BRD2: variants seen among roughly 807,000 people sequenced by gnomAD.
The protein encoded by BRD2 is bromodomain containing 2.
In BRD2, 15 loss-of-function variants were observed where a neutral mutation model predicts 79.1. The ratio of observed to expected loss-of-function variants is 0.19; its 90% CI spans 0.13 to 0.29. BRD2 has a LOEUF of 0.29. BRD2 is among the 10% of genes least tolerant of loss of function. BRD2 has a pLI of 1.00. For missense variants in BRD2, 1,053 were observed against 991.3 expected (o/e 1.06, Z -0.84); for synonymous variants, 488 against 358.6 (o/e 1.36, Z -4.08).
intron 9 of BRD2, 32 bp from the exon 10 acceptor site, chr6:32,978,094 A>G (rs1582918887): frequency 6.3e-7 from 1 of 1,587,280 alleles, no homozygotes; most frequent in Non-Finnish European, 8.6e-7. Flanking sequence ...ATCTTTATTT[A>G]CTTTTTCCAC....
chr6:32,975,154 T>G, intron 3 of BRD2: 2 of 1,481,838 alleles, frequency 1.3e-6, no homozygotes, highest in Non-Finnish European at 1.8e-6. Context: ...GGGTGGGAGG[T>G]GGGTGGTTAG....
In BRD2 at chr6:32,974,226, C is replaced by T. The variant is rs116594802; in HGVS notation, c.30-236C>T. Among the ~76,000 whole-genome samples, 1,135 of 152,188 alleles carry T rather than the reference C, an allele frequency of 7.5e-3. 13 individuals carry two copies. The highest frequency in any genetic ancestry group is 0.019 in the African/African-American group (777 of 41,490). ...AAATATGAAAAAGAACAGATAGAGC[C>T]TATCAGACTTAAGAAGGTGGGATCT... On this transcript the variant is annotated intron_variant, in intron 2 of 12. Transcript: ENST00000374825.
chr6:32,975,309 TGA>T lies in BRD2; in HGVS notation c.334-71_334-70del, dbSNP rs70996746. ...GGGTGTGTGTGTGTGTGTGTGTGTG[TGA>T]GAGTCGGGGATCGGTAGTCTCCCTA... On this transcript the variant is annotated intron_variant, in intron 3 of 12. Transcript: ENST00000374825. 676 of 1,029,262 alleles carry T rather than the reference TGA, an allele frequency of 6.6e-4. 1 individual carries two copies. Among genetic ancestry groups the T allele is most frequent in the Non-Finnish European group, 7.7e-4 (548 of 713,872 alleles). The allele number at this position is 1,029,262 out of a possible 1,614,324, so 63.8% of individuals were successfully genotyped here. A position where few individuals can be genotyped will look rare whatever the true frequency, so the allele number is the denominator to read the frequency against.
At chr6:32,977,010 A>T in intron 7 of BRD2, 74 bp downstream of exon 7, 1 of 1,507,388 alleles carries the variant, frequency 6.6e-7, no homozygotes, top group Non-Finnish European at 8.9e-7. Context: ...AAGTCTCCTT[A>T]TGTGGGCACA....
At position 32,972,038 on chromosome 6, in the gene BRD2, G is replaced by A. The variant is rs1220673877; in HGVS notation, c.-861G>A. ...GCTGGCCAATAGAAAAAGCTCCCGC[G>A]GAGAGGTGTTCCTTCCCCTTCGACT... is the stretch of plus-strand genomic sequence containing the variant. On this transcript the variant is annotated 5_prime_UTR_variant, in exon 2 of 13. Transcript: ENST00000374825. 2.8e-6 allele frequency: 2 copies of A among 701,782 alleles called. No homozygotes were observed. Among genetic ancestry groups the A allele is most frequent in the South Asian group, 3.0e-5 (2 of 66,894 alleles). 43.5% of individuals were successfully genotyped at this position (701,782 alleles called of 1,614,324 possible).
chr6:32,968,963 T>C lies in BRD2; in HGVS notation c.-1398T>C. Reference sequence around the variant, plus strand: ...CTACGCCCCCTCCCCCAGCACGGCTTCGTTTTCTGGGGGGGGGTTGACACC... The same window carrying C: ...CTACGCCCCCTCCCCCAGCACGGCTCCGTTTTCTGGGGGGGGGTTGACACC... On this transcript the variant is annotated 5_prime_UTR_variant, in exon 1 of 13. Coordinates refer to ENST00000374825, the MANE Select transcript of BRD2 (RefSeq NM_005104.4). 1 of 162,452 alleles carries C rather than the reference T, an allele frequency of 6.2e-6. No homozygotes were observed. The highest frequency in any genetic ancestry group is 1.3e-5 in the Non-Finnish European group (1 of 75,042). 10.1% of individuals were successfully genotyped at this position (162,452 alleles called of 1,614,324 possible). A position where few individuals can be genotyped will look rare whatever the true frequency, so the allele number is the denominator to read the frequency against.
In BRD2 at chr6:32,976,230, ACTTTTTTC is replaced by A; in HGVS notation, c.611-11_611-4del. 1 of 1,610,996 alleles carries A rather than the reference ACTTTTTTC, an allele frequency of 6.2e-7. No individual in the cohort carries two copies. The highest frequency in any genetic ancestry group is 8.5e-7 in the Non-Finnish European group (1 of 1,178,656). ...AAGATGGGGAAGAGAATCAAACTAC[ACTTTTTTC>A]CTTTTTTCTAGCGCTCCAGGGCAGT... On this transcript the variant is annotated splice_polypyrimidine_tract_variant and intron_variant, in intron 5 of 12. Transcript: ENST00000374825.
chr6:32,977,102 C>CT, intron 7 of BRD2, 166 bp downstream of exon 7: 2 of 1,251,162 alleles, frequency 1.6e-6, no homozygotes, highest in Non-Finnish European at 2.2e-6. Flanking sequence ...ATTTGTATTT[C>CT]TTGGAGTTTG....
At chr6:32,980,554 G>C in intron 12 of BRD2, 28 bp from the exon 13 acceptor site, 1 of 1,612,926 alleles carries the variant, frequency 6.2e-7, no homozygotes, top group Non-Finnish European at 8.5e-7. Flanking sequence ...AGACTTGAAC[G>C]TCTTTAACTT....
intron 7 of BRD2, 51 bp downstream of exon 7, chr6:32,976,987 G>C (rs1279310341): frequency 6.5e-7 from 1 of 1,549,176 alleles, no homozygotes; most frequent in Admixed American, 2.0e-5. Flanking sequence ...TGGGAGCCTA[G>C]GTGCAAAACA....
In BRD2 at chr6:32,969,031, G is replaced by C; in HGVS notation, c.-1330G>C. 1 of 383,974 alleles carries C rather than the reference G, an allele frequency of 2.6e-6. No individual in the cohort carries two copies. The highest frequency in any genetic ancestry group is 4.7e-6 in the Non-Finnish European group (1 of 211,136). 23.8% of individuals were successfully genotyped at this position (383,974 alleles called of 1,614,324 possible). A position where few individuals can be genotyped will look rare whatever the true frequency, so the allele number is the denominator to read the frequency against. On this transcript the variant is annotated 5_prime_UTR_variant, in exon 1 of 13. Coordinates refer to ENST00000374825, the MANE Select transcript of BRD2 (RefSeq NM_005104.4). ...TACCAAGCCGAGGGCAACTTTGGAG[G>C]CCCCCTGGAAGGCTTTAGGATCCAG...
intron 10 of BRD2, 175 bp from the exon 11 acceptor site, chr6:32,979,653 A>ATAGTGC: frequency 4.5e-6 from 3 of 663,266 alleles, no homozygotes; most frequent in Non-Finnish European, 7.3e-6. Flanking sequence ...ACAGTCGAGC[A>ATAGTGC]AAATGCTCTG....
At chr6:32,977,002 GTC>G in intron 7 of BRD2, 66 bp downstream of exon 7, 1 of 1,525,364 alleles carries the variant, frequency 6.6e-7, no homozygotes, top group Non-Finnish European at 8.8e-7. Context: ...AAAACAATAA[GTC>G]TCCTTATGTG....
At chr6:32,979,554 A>G (rs1779255759) in intron 10 of BRD2, 2 of 450,338 alleles carry the variant, frequency 4.4e-6, no homozygotes, top group African/African-American at 2.0e-5. Context: ...CAGTTTTTCC[A>G]ACATGTTTGT....
rs555087070 is a variant in BRD2, at chr6:32,978,631, A to G, written c.1841+243A>G. ...CCACCTCAGATCATTGGGCCATTGG[A>G]TTCCCATAAGGAGCATGCAGCCTGG... On this transcript the variant is annotated intron_variant, in intron 10 of 12. Transcript: ENST00000374825. 448 of 628,542 alleles carry G rather than the reference A, an allele frequency of 7.1e-4. 5 individuals carry two copies. The South Asian group carries it at 9.0e-3, about 13-fold the overall frequency. 38.9% of individuals were successfully genotyped at this position (628,542 alleles called of 1,614,324 possible).
Position 32,971,951 on chromosome 6 carries a change from G to C in BRD2, c.-948G>C. The C allele has an allele frequency of 1.4e-6, 1 of 702,932 alleles. No individual in the cohort carries two copies. The highest frequency in any genetic ancestry group is 2.6e-6 in the Non-Finnish European group (1 of 384,988). The allele number at this position is 702,932 out of a possible 1,614,324, so 43.5% of individuals were successfully genotyped here. ...GGTTGCCACTTCCCTGTGGGTCTCTGCGGCACTCTTCTGCCTGGTGACTGA... is the reference window on the plus strand; with the variant it reads ...GGTTGCCACTTCCCTGTGGGTCTCTCCGGCACTCTTCTGCCTGGTGACTGA... On this transcript the variant is annotated 5_prime_UTR_variant, in exon 2 of 13. Coordinates refer to ENST00000374825, the MANE Select transcript of BRD2 (RefSeq NM_005104.4).
At chr6:32,975,342 A>AT (rs780452183) in intron 3 of BRD2, 42 bp from the exon 4 acceptor site, 24 of 1,530,018 alleles carry the variant, frequency 1.6e-5, no homozygotes, top group Non-Finnish European at 1.9e-5. Context: ...CCCTATAAGC[A>AT]TTTATTTTTC....
intron 2 of BRD2, chr6:32,973,258 G>C (rs1233785534): frequency 1.2e-5 from 13 of 1,125,194 alleles, no homozygotes; most frequent in Non-Finnish European, 1.6e-5. Context: ...GGTATCTAGC[G>C]GCGGTCTGTT....
intron 1 of BRD2, chr6:32,969,277 A>G (rs1308294407): frequency 1.4e-6 from 1 of 701,216 alleles, no homozygotes; most frequent in Non-Finnish European, 2.7e-6. Context: ...TACCCATTGG[A>G]GGGCAAAGGG....
Sources: gnomAD v4.1 joint callset for allele counts (sites outside exome capture counted in the v4.1 genomes callset) on GRCh38, gnomAD v4.1.1 for gene constraint, MANE v1.5 for transcripts, NCBI Gene and HGNC (gene_info 2026-07-23, HGNC 2026-07-21) for gene names.